TASP1: variants seen among roughly 807,000 people sequenced by gnomAD.
TASP1 encodes the protein taspase 1.
Under a neutral mutation model 56.6 loss-of-function variants are expected in TASP1, and 16 were observed. That is an observed-to-expected ratio of 0.28 (90% CI 0.19 to 0.43). The LOEUF (loss-of-function observed/expected upper bound fraction) is 0.43. Among genes scored for constraint, TASP1 ranks in the 20% least tolerant of loss-of-function variants. The pLI, the probability that TASP1 is intolerant of heterozygous loss-of-function variation, is 1.00. For synonymous variants in TASP1, 179 were observed against 184.2 expected (o/e 0.97, Z 0.23); for missense variants, 393 against 511.6 (o/e 0.77, Z 2.24).
At chr20:13,247,517 G>GGTGTGTGTGTGTGTGTGT in the TASP1 span, among the ~76,000 whole-genome samples, 9 of 139,808 alleles carry the variant, frequency 6.4e-5, no homozygotes, top group Non-Finnish European at 9.4e-5. Context: ...CAAAGTGAGG[G>GGTGTGTGTGTGTGTGTGT]GTGTGTGTGT....
chr20:13,550,324 T>C (rs1406247856), intron 8 of TASP1, among the ~76,000 whole-genome samples: 1 of 152,068 alleles, frequency 6.6e-6, no homozygotes, highest in Non-Finnish European at 1.5e-5. Flanking sequence ...TCAGGCTTTA[T>C]AACCTAAATA....
the TASP1 span, among the ~76,000 whole-genome samples, chr20:13,204,216 G>A: frequency 1.3e-5 from 2 of 152,078 alleles, no homozygotes; most frequent in African/African-American, 4.8e-5. Flanking sequence ...CAACTTAATT[G>A]CTTTTGCAAC....
chr20:13,113,951 T>A, the TASP1 span, among the ~76,000 whole-genome samples: 1 of 152,198 alleles, frequency 6.6e-6, no homozygotes, highest in Admixed American at 6.5e-5. Flanking sequence ...AGCCTCCAAG[T>A]ATTCCTGAAG....
At chr20:13,437,161 T>G (rs2043034084) in intron 11 of TASP1, among the ~76,000 whole-genome samples, 1 of 152,102 alleles carries the variant, frequency 6.6e-6, no homozygotes, top group African/African-American at 2.4e-5. Flanking sequence ...TTATCCACCA[T>G]GATCAAGTGG....
intron 4 of TASP1, among the ~76,000 whole-genome samples, chr20:13,602,308 T>C (rs1390131836): frequency 3.3e-5 from 5 of 152,146 alleles, no homozygotes; most frequent in Admixed American, 2.0e-4. Context: ...TCTGAGAAAC[T>C]GTCACAGCCA....
At chr20:13,116,503 A>T in the TASP1 span, among the ~76,000 whole-genome samples, 1 of 152,074 alleles carries the variant, frequency 6.6e-6, no homozygotes, top group Non-Finnish European at 1.5e-5. Context: ...GTAAATAGAA[A>T]TTTTAATTTT....
intron 4 of TASP1, among the ~76,000 whole-genome samples, chr20:13,612,997 A>G (rs946840542): frequency 3.3e-5 from 5 of 152,332 alleles, no homozygotes; most frequent in East Asian, 1.9e-4. Flanking sequence ...TCTATCAATT[A>G]TACTGCACTT....
At chr20:13,173,209 A>G in the TASP1 span, among the ~76,000 whole-genome samples, 2 of 152,234 alleles carry the variant, frequency 1.3e-5, no homozygotes, top group Non-Finnish European at 2.9e-5. Flanking sequence ...CCAGAGATCT[A>G]TAAAAAGCAG....
the TASP1 span, among the ~76,000 whole-genome samples, chr20:13,379,226 C>T: frequency 6.6e-6 from 1 of 152,180 alleles, no homozygotes. Flanking sequence ...TTTTACCTTT[C>T]CATATTTAGT....
At chr20:13,419,882 C>T (rs577398198) in intron 12 of TASP1, among the ~76,000 whole-genome samples, 2 of 152,326 alleles carry the variant, frequency 1.3e-5, no homozygotes, top group Admixed American at 6.5e-5. Flanking sequence ...GAAGCAAGTT[C>T]TCTTCACCAG....
intron 4 of TASP1, among the ~76,000 whole-genome samples, chr20:13,615,186 A>G (rs1281955368): frequency 3.3e-5 from 5 of 152,196 alleles, no homozygotes; most frequent in African/African-American, 9.7e-5. Flanking sequence ...CATACTCCAG[A>G]AAAGGGAAAC....
chr20:13,520,514 A>C (rs938271414), intron 10 of TASP1, among the ~76,000 whole-genome samples: 10 of 152,154 alleles, frequency 6.6e-5, no homozygotes, highest in Non-Finnish European at 4.4e-5. Flanking sequence ...CAAAAACAAG[A>C]AATGGGGAAA....
At chr20:13,271,735 C>T in the TASP1 span, among the ~76,000 whole-genome samples, 8 of 152,282 alleles carry the variant, frequency 5.3e-5, no homozygotes, top group East Asian at 3.9e-4. Context: ...GCTCATCCCC[C>T]GGGCAACCCA....
intron 8 of TASP1, among the ~76,000 whole-genome samples, chr20:13,537,668 CT>C (rs370974342): frequency 6.6e-6 from 1 of 152,134 alleles, no homozygotes; most frequent in African/African-American, 2.4e-5. Flanking sequence ...ATTTGTATTA[CT>C]TTTTTGATAA....
chr20:13,467,195 A>ACACACG (rs964084981), intron 11 of TASP1, among the ~76,000 whole-genome samples: 1 of 149,284 alleles, frequency 6.7e-6, no homozygotes, highest in Non-Finnish European at 1.5e-5. Flanking sequence ...ATACACACAC[A>ACACACG]CACACACACA....
chr20:13,276,152 T>A, the TASP1 span, among the ~76,000 whole-genome samples: 1 of 152,324 alleles, frequency 6.6e-6, no homozygotes, highest in East Asian at 1.9e-4. Context: ...CCTTCAATGC[T>A]CTGTGCTCCT....
the TASP1 span, among the ~76,000 whole-genome samples, chr20:13,280,707 T>C: frequency 6.6e-6 from 1 of 152,100 alleles, no homozygotes; most frequent in Admixed American, 6.6e-5. Flanking sequence ...AGCCTGGAGG[T>C]GACACACATC....
chr20:13,370,254 G>A, the TASP1 span, among the ~76,000 whole-genome samples: 1 of 151,844 alleles, frequency 6.6e-6, no homozygotes, highest in Non-Finnish European at 1.5e-5. Flanking sequence ...AAAACACATG[G>A]AAATTATAGA....
chr20:13,402,160 C>T (rs1262008399), intron 13 of TASP1, among the ~76,000 whole-genome samples: 2 of 152,182 alleles, frequency 1.3e-5, no homozygotes, highest in African/African-American at 2.4e-5. Flanking sequence ...AAGACTTATA[C>T]TCTTAACAAC....
Sources: allele counts gnomAD v4.1 joint callset (sites outside exome capture counted in the v4.1 genomes callset), GRCh38; gene constraint gnomAD v4.1.1; transcripts MANE v1.5; gene names NCBI Gene and HGNC (gene_info 2026-07-23, HGNC 2026-07-21).